The following LARP4B variants were observed in gnomAD, a reference collection of about 807,000 sequenced individuals.
The protein encoded by LARP4B is La ribonucleoprotein 4B, also known as la-related protein 4B.
In LARP4B, 12 loss-of-function variants were observed where a neutral mutation model predicts 89.8. The ratio of observed to expected loss-of-function variants is 0.13; its 90% confidence interval spans 0.09 to 0.22. The LOEUF (loss-of-function observed/expected upper bound fraction) is 0.22, where lower values mean the gene tolerates loss of function less well. Among genes scored for constraint, LARP4B ranks in the 10% least tolerant of loss-of-function variants. The pLI is 1.00. For missense variants in LARP4B, 757 were observed against 947.7 expected (o/e 0.80, Z 2.64); for synonymous variants, 367 against 363.3 (o/e 1.01, Z -0.12).
chr10:960,705 C>A, the LARP4B span, among the ~76,000 whole-genome samples: 2 of 35,830 alleles, frequency 5.6e-5, no homozygotes, highest in Non-Finnish European at 9.1e-5. Context: ...GAGACTCTGT[C>A]TCAAAAAAAA....
chr10:872,933 G>C (rs1835296937), intron 3 of LARP4B: 1 of 707,286 alleles, frequency 1.4e-6, no homozygotes, highest in Admixed American at 6.3e-5. Flanking sequence ...CCCAGACCCT[G>C]CGAAAATCCT....
At chr10:808,754 C>CAT (rs1831636298), downstream of LARP4B, 1 of 149,400 alleles carries the variant, frequency 6.7e-6, no homozygotes, top group Non-Finnish European at 1.5e-5. Context: ...TGTGCACGCA[C>CAT]ACACACACAC....
chr10:982,360 C>T, the LARP4B span, among the ~76,000 whole-genome samples: 3 of 151,982 alleles, frequency 2.0e-5, no homozygotes, highest in Admixed American at 1.3e-4. Flanking sequence ...CAAAGTGCTG[C>T]GATTACAGGC....
chr10:905,556 A>C (rs572029855), intron 1 of LARP4B, among the ~76,000 whole-genome samples: 6 of 151,726 alleles, frequency 4.0e-5, no homozygotes, highest in Non-Finnish European at 8.8e-5. Context: ...GATCCCATTT[A>C]CTCCTGTCTT....
At chr10:862,957 C>G (rs1224165212) in intron 5 of LARP4B, among the ~76,000 whole-genome samples, 1 of 152,164 alleles carries the variant, frequency 6.6e-6, no homozygotes, top group African/African-American at 2.4e-5. Context: ...TTGCTTTCCT[C>G]CAAGCCATTC....
the LARP4B span, among the ~76,000 whole-genome samples, chr10:974,810 C>G: frequency 6.6e-6 from 1 of 152,244 alleles, no homozygotes; most frequent in Non-Finnish European, 1.5e-5. Context: ...TCACGCTCAT[C>G]GAAAGCTTGG....
intron 5 of LARP4B, among the ~76,000 whole-genome samples, chr10:854,634 A>C (rs1292526582): frequency 6.6e-6 from 1 of 152,036 alleles, no homozygotes; most frequent in Non-Finnish European, 1.5e-5. Context: ...TCAGTAAACC[A>C]TGATGTAAAC....
At chr10:915,491 T>A (rs972955721) in intron 1 of LARP4B, among the ~76,000 whole-genome samples, 1 of 152,146 alleles carries the variant, frequency 6.6e-6, no homozygotes, top group Admixed American at 6.5e-5. Flanking sequence ...GAAAACTGAG[T>A]ATCAAAAAAG....
chr10:828,802 A>G (rs913817944), intron 11 of LARP4B, among the ~76,000 whole-genome samples: 2 of 152,164 alleles, frequency 1.3e-5, no homozygotes, highest in African/African-American at 4.8e-5. Flanking sequence ...TCGTGCATCC[A>G]ATGCCACCAA....
downstream of LARP4B, chr10:807,422 T>C (rs1831596480): frequency 1.3e-5 from 2 of 152,330 alleles, no homozygotes; most frequent in Non-Finnish European, 2.9e-5. Context: ...TGCATCTCTG[T>C]GGGCCCTCAC....
intron 6 of LARP4B, among the ~76,000 whole-genome samples, chr10:844,739 G>A (rs192288633): frequency 1.1e-4 from 16 of 151,878 alleles, no homozygotes; most frequent in African/African-American, 3.6e-4. Context: ...GGGCGGGCGG[G>A]GCACTTTAGA....
At chr10:845,877 C>T (rs923018113) in intron 5 of LARP4B, among the ~76,000 whole-genome samples, 9 of 152,158 alleles carry the variant, frequency 5.9e-5, no homozygotes, top group Non-Finnish European at 4.4e-5. Flanking sequence ...CATGCTAACA[C>T]AAGAGACACT....
At chr10:909,030 C>G (rs1029193042) in intron 1 of LARP4B, among the ~76,000 whole-genome samples, 6 of 152,152 alleles carry the variant, frequency 3.9e-5, no homozygotes, top group South Asian at 2.1e-4. Context: ...CGCGGTGGCT[C>G]ATGCCTGTAA....
chr10:822,530 C>T lies in LARP4B; in HGVS notation c.1485-1685G>A, dbSNP rs984109307. Reference sequence around the variant, plus strand: ...TCCCCCACACCCTCACTGGGCTCCACGTAACCCGTGTCAGACCCAGAAGCC... The same window carrying T: ...TCCCCCACACCCTCACTGGGCTCCATGTAACCCGTGTCAGACCCAGAAGCC... On this transcript the variant is annotated intron_variant, in intron 13 of 17. Transcript: ENST00000316157. This position sits in a 1 kb window ranked among gnomAD's most constrained non-coding sequence, Gnocchi z 4.6. 3.3e-5 allele frequency among the ~76,000 whole-genome samples: 5 copies of T among 152,204 alleles called. No homozygotes were observed. The highest frequency in any genetic ancestry group is 6.5e-5 in the Admixed American group (1 of 15,282).
At chr10:946,059 G>A in the LARP4B span, among the ~76,000 whole-genome samples, 15 of 152,292 alleles carry the variant, frequency 9.8e-5, no homozygotes, top group South Asian at 6.2e-4. Context: ...CCCATGCAGC[G>A]GTGTGTCTAT....
chr10:945,828 C>T, the LARP4B span, among the ~76,000 whole-genome samples: 5 of 152,266 alleles, frequency 3.3e-5, no homozygotes, highest in South Asian at 2.1e-4. Flanking sequence ...TAGTTAAGTT[C>T]GTAAGGGTGG....
chr10:891,585 T>G (rs922895614), intron 1 of LARP4B, among the ~76,000 whole-genome samples: 1 of 152,188 alleles, frequency 6.6e-6, no homozygotes. Context: ...TCGTTATTCT[T>G]CCACCTGAGA....
chr10:914,228 T>C (rs900461252), intron 1 of LARP4B, among the ~76,000 whole-genome samples: 6 of 152,150 alleles, frequency 3.9e-5, no homozygotes, highest in South Asian at 4.1e-4. Context: ...AGAGTTAAAA[T>C]TGTAGTTAAT....
In LARP4B at chr10:885,621, C is replaced by G. The variant is rs1157124756; in HGVS notation, c.81+20G>C. ...AAAAAAAGCAATGGACTCCCCACCA[C>G]CCCATTCGACAGCACCCACCAGATG... On this transcript the variant is annotated intron_variant, in intron 2 of 17. Coordinates refer to ENST00000316157, the MANE Select transcript of LARP4B (RefSeq NM_015155.3). 1 of 1,598,026 alleles carries G rather than the reference C, an allele frequency of 6.3e-7. No homozygotes were observed. The highest frequency in any genetic ancestry group is 8.6e-7 in the Non-Finnish European group (1 of 1,169,036).
Sources: gnomAD v4.1 joint callset for allele counts (sites outside exome capture counted in the v4.1 genomes callset) on GRCh38, gnomAD v4.1.1 for gene constraint, Gnocchi (gnomAD v3.1) non-coding constraint, MANE v1.5 for transcripts, NCBI Gene and HGNC (gene_info 2026-07-23, HGNC 2026-07-21) for gene names.